The following MARCHF1 variants were observed in gnomAD, a reference collection of about 807,000 sequenced individuals.
The protein encoded by MARCHF1 is membrane associated ring-CH-type finger 1, also known as E3 ubiquitin-protein ligase MARCHF1.
MARCHF1 carries 40 observed loss-of-function variants against 54.2 expected under a neutral mutation model. The ratio of observed to expected loss-of-function variants is 0.74; its 90% CI spans 0.57 to 0.96. The LOEUF is 0.96. MARCHF1 is among the 40% of genes least tolerant of loss of function. The pLI, the probability that MARCHF1 is intolerant of heterozygous loss-of-function variation, is 0.00. For synonymous variants in MARCHF1, 236 were observed against 236.3 expected, an observed-to-expected ratio of 1.00 and a Z score of 0.01; for missense variants, 586 against 656.5, an observed-to-expected ratio of 0.89 and a Z score of 1.17.
rs115955416 is a variant in MARCHF1, at chr4:164,137,546, C to A, written c.-322-25884G>T. On this transcript the variant is annotated intron_variant, in intron 1 of 9. Coordinates refer to ENST00000514618, the MANE Select transcript of MARCHF1 (RefSeq NM_001394959.1). ...GAAAATGCGTTTCAGATTTTTCAGC[C>A]AAATGCTATGGATTAGGTTTATTGG... is the stretch of plus-strand genomic sequence containing the variant. Among the ~76,000 whole-genome samples, 909 of 152,082 alleles carry A rather than the reference C, an allele frequency of 6.0e-3. 12 individuals are homozygous for A. The highest frequency in any genetic ancestry group is 0.021 in the African/African-American group (867 of 41,484).
intron 1 of MARCHF1, among the ~76,000 whole-genome samples, chr4:164,199,679 C>CAGAGAG (rs1332146468): frequency 2.1e-4 from 11 of 51,978 alleles, no homozygotes; most frequent in African/African-American, 3.3e-4. Flanking sequence ...CACACACACA[C>CAGAGAG]ACAGAGAGAG....
intron 5 of MARCHF1, among the ~76,000 whole-genome samples, chr4:163,656,006 CA>C (rs1743125267): frequency 6.6e-6 from 1 of 151,586 alleles, no homozygotes; most frequent in Non-Finnish European, 1.5e-5. Context: ...ACTAGAGAAT[CA>C]AAAGCAAACA....
At chr4:164,179,049 C>T (rs1730763581) in intron 1 of MARCHF1, among the ~76,000 whole-genome samples, 1 of 152,082 alleles carries the variant, frequency 6.6e-6, no homozygotes, top group Non-Finnish European at 1.5e-5. Flanking sequence ...TGTTGGCGGG[C>T]AGTGTGGTTG....
At chr4:163,628,489 A>T (rs1280940983) in intron 5 of MARCHF1, among the ~76,000 whole-genome samples, 1 of 152,232 alleles carries the variant, frequency 6.6e-6, no homozygotes, top group African/African-American at 2.4e-5. Context: ...AACTGGTACA[A>T]GACAAGGATG....
intron 3 of MARCHF1, among the ~76,000 whole-genome samples, chr4:163,944,656 T>C (rs1428499945): frequency 6.6e-6 from 1 of 152,190 alleles, no homozygotes; most frequent in African/African-American, 2.4e-5. Context: ...CAATTCATCT[T>C]AACATCTACT....
At chr4:164,194,752 T>C (rs1382997243) in intron 1 of MARCHF1, among the ~76,000 whole-genome samples, 1 of 152,138 alleles carries the variant, frequency 6.6e-6, no homozygotes, top group Non-Finnish European at 1.5e-5. Flanking sequence ...ATTTCAGAAA[T>C]TCTAAAGTAA....
At chr4:164,002,996 A>C (rs1452259797) in intron 2 of MARCHF1, among the ~76,000 whole-genome samples, 2 of 151,970 alleles carry the variant, frequency 1.3e-5, no homozygotes, top group South Asian at 4.1e-4. Flanking sequence ...TTATGTTAGC[A>C]TTCCTGAACT....
intron 3 of MARCHF1, among the ~76,000 whole-genome samples, chr4:163,868,817 C>T (rs1037670214): frequency 8.6e-5 from 13 of 151,836 alleles, no homozygotes; most frequent in African/African-American, 3.1e-4. Context: ...CTTTGCTGGA[C>T]ATTATATCAT....
chr4:164,380,964 C>T (rs7654787), intron 1 of MARCHF1, among the ~76,000 whole-genome samples: 1 of 151,542 alleles, frequency 6.6e-6, no homozygotes, highest in Non-Finnish European at 1.5e-5. Flanking sequence ...GGGTAAAGGA[C>T]GTTTCGCTCT....
rs34885496 is a variant in MARCHF1 at position 163,590,057 on chromosome 4, G to GGTGTGT, written c.1011-4134_1011-4129dup. On this transcript the variant is annotated intron_variant, in intron 7 of 9. Transcript: ENST00000514618. ...TGCAGCAAATTAAATTTTAGATTTT[G>GGTGTGT]GTGTGTGTGTGTGTGTGTGTGTGTG... 9.2e-4 allele frequency among the ~76,000 whole-genome samples: 135 copies of GGTGTGT among 146,246 alleles called. 4 individuals are homozygous for GGTGTGT. In the East Asian group the frequency reaches 0.021, roughly 22 times the overall value.
intron 4 of MARCHF1, among the ~76,000 whole-genome samples, chr4:163,740,370 C>T (rs1317184651): frequency 1.6e-4 from 25 of 152,206 alleles, no homozygotes. Flanking sequence ...TCAAGTTAGT[C>T]TGCCACAGTT....
intron 3 of MARCHF1, among the ~76,000 whole-genome samples, chr4:163,979,088 A>G (rs7685128): frequency 0.59 from 66,141 of 112,188 alleles, 19,745 homozygotes; most frequent in East Asian, 0.86. Flanking sequence ...AGTTACATAT[A>G]TATACATGTG....
intron 3 of MARCHF1, among the ~76,000 whole-genome samples, chr4:163,949,211 C>T (rs746070800): frequency 2.6e-5 from 4 of 152,216 alleles, no homozygotes; most frequent in African/African-American, 9.6e-5. Context: ...CCAAGCATGC[C>T]GGCTGCGGTG....
intron 3 of MARCHF1, among the ~76,000 whole-genome samples, chr4:163,943,653 C>A (rs897562114): frequency 6.6e-6 from 1 of 151,060 alleles, no homozygotes; most frequent in African/African-American, 2.4e-5. Flanking sequence ...GACTTAATAC[C>A]TGAGTGACAC....
At chr4:163,967,535 T>C (rs1406858506) in intron 3 of MARCHF1, among the ~76,000 whole-genome samples, 1 of 152,196 alleles carries the variant, frequency 6.6e-6, no homozygotes, top group African/African-American at 2.4e-5. Flanking sequence ...TTACTTTCTC[T>C]CTTATTATCC....
intron 7 of MARCHF1, among the ~76,000 whole-genome samples, chr4:163,607,850 A>G (rs1741194355): frequency 6.6e-6 from 1 of 152,094 alleles, no homozygotes; most frequent in Non-Finnish European, 1.5e-5. Context: ...GAGCAAGGGC[A>G]TCAGAAACTC....
At chr4:163,941,958 A>G (rs992331423) in intron 3 of MARCHF1, among the ~76,000 whole-genome samples, 16 of 152,162 alleles carry the variant, frequency 1.1e-4, no homozygotes, top group African/African-American at 3.4e-4. Context: ...AAGCCAAAAG[A>G]ACTTTCTTCT....
intron 3 of MARCHF1, among the ~76,000 whole-genome samples, chr4:163,877,340 CAAT>C (rs1299256916): frequency 6.6e-6 from 1 of 152,126 alleles, no homozygotes. Flanking sequence ...CTGTTTTCAA[CAAT>C]GTTTCTCAAC....
At chr4:163,707,584 A>C (rs1030681155) in intron 4 of MARCHF1, among the ~76,000 whole-genome samples, 1 of 152,050 alleles carries the variant, frequency 6.6e-6, no homozygotes, top group Non-Finnish European at 1.5e-5. Context: ...CAATAGGAAG[A>C]ATGAATACTC....
Sources: gnomAD v4.1 joint callset for allele counts (sites outside exome capture counted in the v4.1 genomes callset) on GRCh38, gnomAD v4.1.1 for gene constraint, MANE v1.5 for transcripts, NCBI Gene and HGNC (gene_info 2026-07-23, HGNC 2026-07-21) for gene names.